The following NRXN3 variants were observed in gnomAD, a reference collection of about 807,000 sequenced individuals.
NRXN3 encodes neurexin 3, also known as neurexin III.
In NRXN3, 32 loss-of-function variants were observed where a neutral mutation model predicts 137.6. That is an observed-to-expected ratio of 0.23 (90% CI 0.18 to 0.31). The LOEUF (loss-of-function observed/expected upper bound fraction) is 0.31. Among genes scored for constraint, NRXN3 ranks in the 10% least tolerant of loss-of-function variants. NRXN3 has a pLI of 1.00. For synonymous variants in NRXN3, 798 were observed against 784.5 expected, an observed-to-expected ratio of 1.02 and a Z score of -0.29; for missense variants, 1,574 against 2,062.5, an observed-to-expected ratio of 0.76 and a Z score of 4.59.
chr14:79,798,696 G>A (rs1254718035), intron 19 of NRXN3, among the ~76,000 whole-genome samples: 1 of 152,196 alleles, frequency 6.6e-6, no homozygotes, highest in Admixed American at 6.5e-5. Context: ...CCTATTACCA[G>A]TGTAAGATAA....
At chr14:78,192,105 TGTGAGA>T (rs1416304363) in intron 1 of NRXN3, among the ~76,000 whole-genome samples, 194 of 136,452 alleles carry the variant, frequency 1.4e-3, no homozygotes, top group African/African-American at 4.8e-3. Flanking sequence ...TGTGTGTGTG[TGTGAGA>T]GAGAGAGCAT....
intron 10 of NRXN3, among the ~76,000 whole-genome samples, chr14:78,815,001 T>C (rs1002567172): frequency 6.6e-6 from 1 of 152,212 alleles, no homozygotes; most frequent in Non-Finnish European, 1.5e-5. Context: ...TATTTCTCTT[T>C]CCTCTCAAAC....
chr14:79,025,472 C>T (rs2099596494), intron 15 of NRXN3, among the ~76,000 whole-genome samples: 1 of 152,074 alleles, frequency 6.6e-6, no homozygotes, highest in African/African-American at 2.4e-5. Flanking sequence ...TGCGTGTGTT[C>T]CCCCGATACC....
intron 16 of NRXN3, chr14:79,633,453 C>T (rs569827887): frequency 6.6e-6 from 1 of 151,860 alleles, no homozygotes; most frequent in South Asian, 2.1e-4. Flanking sequence ...TTTCTACTCA[C>T]TTCCCGGAAA....
chr14:78,679,667 G>A (rs2098052598), intron 6 of NRXN3, among the ~76,000 whole-genome samples: 1 of 152,048 alleles, frequency 6.6e-6, no homozygotes, highest in South Asian at 2.1e-4. Flanking sequence ...TGCTACAATG[G>A]CCTTCTAGAA....
At chr14:79,101,113 A>G (rs889596148) in intron 15 of NRXN3, among the ~76,000 whole-genome samples, 4 of 152,196 alleles carry the variant, frequency 2.6e-5, no homozygotes, top group Non-Finnish European at 5.9e-5. Flanking sequence ...GTATGCCAGA[A>G]TAACTGGCTG....
intron 9 of NRXN3, among the ~76,000 whole-genome samples, chr14:78,808,466 A>G (rs994475203): frequency 1.3e-5 from 2 of 152,056 alleles, no homozygotes; most frequent in African/African-American, 4.8e-5. Context: ...TCTCTCTTTA[A>G]TATGTCAGGA....
At chr14:79,034,663 A>G (rs1253591885) in intron 15 of NRXN3, among the ~76,000 whole-genome samples, 2 of 152,132 alleles carry the variant, frequency 1.3e-5, no homozygotes, top group Admixed American at 6.6e-5. Flanking sequence ...CTTGTTACAC[A>G]TAATAACATT....
intron 15 of NRXN3, among the ~76,000 whole-genome samples, chr14:79,264,949 G>A (rs901178822): frequency 6.6e-6 from 1 of 151,776 alleles, no homozygotes; most frequent in Non-Finnish European, 1.5e-5. Context: ...ACATATACAC[G>A]CATGTATATA....
At chr14:79,148,209 G>A (rs2059476788) in intron 15 of NRXN3, among the ~76,000 whole-genome samples, 1 of 152,116 alleles carries the variant, frequency 6.6e-6, no homozygotes, top group Admixed American at 6.5e-5. Context: ...CTGGATGGGA[G>A]GAGGGTTTAC....
At chr14:78,991,709 G>C (rs770945461) in intron 15 of NRXN3, among the ~76,000 whole-genome samples, 9 of 152,156 alleles carry the variant, frequency 5.9e-5, no homozygotes, top group Non-Finnish European at 1.0e-4. Flanking sequence ...CTCTAAAAAT[G>C]TCTGCATTTT....
At chr14:78,541,872 G>C (rs531841003) in intron 4 of NRXN3, among the ~76,000 whole-genome samples, 1 of 152,260 alleles carries the variant, frequency 6.6e-6, no homozygotes, top group Admixed American at 6.5e-5. Flanking sequence ...TAACAGTCTG[G>C]TCCCTCAGCT....
chr14:79,591,563 GATTT>G (rs1157285419), intron 16 of NRXN3, among the ~76,000 whole-genome samples: 3 of 152,216 alleles, frequency 2.0e-5, no homozygotes, highest in African/African-American at 7.2e-5. Context: ...TCAGAGAGAT[GATTT>G]ATTAGTCCAA....
rs374887314 is a variant in NRXN3 at position 78,661,890 on chromosome 14, GT to G, written c.1221+10579del. ...TGTTATTTATTTTTTTTCTGAGACA[GT>G]TTTTTTTTTTTTTTCTGAGACAGTG... On this transcript the variant is annotated intron_variant, in intron 6 of 20. Coordinates refer to ENST00000335750, the MANE Select transcript of NRXN3 (RefSeq NM_001330195.2). 4.7e-3 allele frequency among the ~76,000 whole-genome samples: 676 copies of G among 142,346 alleles called. 4 individuals carry two copies. Among genetic ancestry groups the G allele is most frequent in the Middle Eastern group, 0.019 (5 of 270 alleles). The allele number at this position is 142,346 out of a possible 152,430, so 93.4% of individuals were successfully genotyped here.
At chr14:79,502,490 T>C (rs1169918757) in intron 16 of NRXN3, among the ~76,000 whole-genome samples, 1 of 152,070 alleles carries the variant, frequency 6.6e-6, no homozygotes. Context: ...GAAGCAGTTC[T>C]CATTCATATT....
At position 79,747,625 on chromosome 14, in the gene NRXN3, T is replaced by C. The variant is rs542740422; in HGVS notation, c.4014+49688T>C. Among the ~76,000 whole-genome samples, 56 of 152,278 alleles carry C rather than the reference T, an allele frequency of 3.7e-4. 1 individual carries two copies. Among genetic ancestry groups the C allele is most frequent in the Non-Finnish European group, 1.6e-4 (11 of 68,016 alleles). On this transcript the variant is annotated intron_variant, in intron 19 of 20. Coordinates refer to ENST00000335750, the MANE Select transcript of NRXN3 (RefSeq NM_001330195.2). ...TGAGGAATTTGCCTAACTCAGCCAA[T>C]TGATGTGTCAAAATCTAACCAATGT...
At chr14:78,449,208 A>G (rs1275583613) in intron 4 of NRXN3, among the ~76,000 whole-genome samples, 1 of 151,842 alleles carries the variant, frequency 6.6e-6, no homozygotes, top group East Asian at 1.9e-4. Flanking sequence ...TTATGGTGTT[A>G]TCACATTTAT....
chr14:79,291,831 G>A (rs1272906907), intron 15 of NRXN3, among the ~76,000 whole-genome samples: 5 of 151,676 alleles, frequency 3.3e-5, no homozygotes, highest in African/African-American at 9.7e-5. Context: ...ATGGAATACT[G>A]GGCCATTTTT....
chr14:78,233,191 C>A (rs73308584), intron 1 of NRXN3, among the ~76,000 whole-genome samples: 5 of 152,084 alleles, frequency 3.3e-5, no homozygotes, highest in African/African-American at 1.2e-4. Flanking sequence ...TGTGCACATC[C>A]TGGAAGGTGT....
Sources: gnomAD v4.1 joint callset for allele counts (sites outside exome capture counted in the v4.1 genomes callset) on GRCh38, gnomAD v4.1.1 for gene constraint, MANE v1.5 for transcripts, NCBI Gene and HGNC (gene_info 2026-07-23, HGNC 2026-07-21) for gene names.